STK31: variants seen among roughly 807,000 people sequenced by gnomAD.
STK31 encodes serine/threonine kinase 31, also known as serine/threonine-protein kinase 31.
Under a neutral mutation model 129.7 loss-of-function variants are expected in STK31, and 89 were observed. The observed-to-expected ratio is 0.69, with a 90% CI of 0.58 to 0.82. STK31 has a LOEUF of 0.82. Ranked by LOEUF, STK31 falls within the 40% of genes least tolerant of loss-of-function variation. The pLI is 0.00. For synonymous variants in STK31, 448 were observed against 395.3 expected, an observed-to-expected ratio of 1.13 and a Z score of -1.58; for missense variants, 1,187 against 1,176.4, an observed-to-expected ratio of 1.01 and a Z score of -0.13.
At chr7:23,802,476 C>T (rs913253575) in intron 22 of STK31, among the ~76,000 whole-genome samples, 2 of 152,032 alleles carry the variant, frequency 1.3e-5, no homozygotes, top group Non-Finnish European at 2.9e-5. Flanking sequence ...GAAGGGTGGA[C>T]AGCACGGAGA....
intron 22 of STK31, among the ~76,000 whole-genome samples, chr7:23,806,613 A>G (rs1008208261): frequency 6.6e-6 from 1 of 152,218 alleles, no homozygotes; most frequent in Non-Finnish European, 1.5e-5. Context: ...TAAGAGATAC[A>G]GGTTGGGCCG....
chr7:23,730,874 ATATATTTTT>A (rs1479850448), intron 6 of STK31, among the ~76,000 whole-genome samples: 4 of 59,732 alleles, frequency 6.7e-5, no homozygotes, highest in African/African-American at 2.1e-4. Flanking sequence ...ATATATATAT[ATATATTTTT>A]TTTTTTTTTT....
chr7:23,742,878 G>A (rs1788131801), intron 8 of STK31, among the ~76,000 whole-genome samples: 1 of 151,266 alleles, frequency 6.6e-6, no homozygotes, highest in South Asian at 2.1e-4. Context: ...GTGGTTTGGT[G>A]TGTTTCTGTA....
At chr7:23,755,164 G>A (rs1377612579) in intron 10 of STK31, 1 of 152,072 alleles carries the variant, frequency 6.6e-6, no homozygotes. Flanking sequence ...AGCATCTATT[G>A]TTTCCTGACT....
chr7:23,748,777 C>T (rs1021058824), intron 8 of STK31, among the ~76,000 whole-genome samples: 1 of 152,130 alleles, frequency 6.6e-6, no homozygotes, highest in African/African-American at 2.4e-5. Context: ...ATACAGAATA[C>T]TTGCTAACTG....
chr7:23,795,766 T>C (rs1791913592), intron 22 of STK31, among the ~76,000 whole-genome samples: 2 of 152,214 alleles, frequency 1.3e-5, no homozygotes, highest in Admixed American at 1.3e-4. Context: ...GGAGATCATT[T>C]TGGAGCTTTA....
intron 17 of STK31, 99 bp downstream of exon 17, chr7:23,783,762 A>T: frequency 5.5e-6 from 5 of 906,066 alleles, no homozygotes; most frequent in Non-Finnish European, 8.3e-6. Context: ...TATCTTTTAA[A>T]TAAAAATACT....
rs34751124 is a variant in STK31 at position 23,806,901 on chromosome 7, GAA to G, written c.2761-8223_2761-8222del. Among the ~76,000 whole-genome samples, 578 of 75,998 alleles carry G rather than the reference GAA, an allele frequency of 7.6e-3. 5 individuals are homozygous for G. Among genetic ancestry groups the G allele is most frequent in the Middle Eastern group, 0.032 (4 of 124 alleles). 49.9% of individuals were successfully genotyped at this position (75,998 alleles called of 152,430 possible). ...GGTGACAGAGCAAGACTCCGTCTCA[GAA>G]AAAAAAAAAAAAAAAAAAAGAGAGA... On this transcript the variant is annotated intron_variant, in intron 22 of 23. Coordinates refer to ENST00000355870, the MANE Select transcript of STK31 (RefSeq NM_031414.5).
chr7:23,790,011 G>A (rs1158807450), intron 21 of STK31, among the ~76,000 whole-genome samples: 1 of 152,024 alleles, frequency 6.6e-6, no homozygotes, highest in African/African-American at 2.4e-5. Context: ...AACTCACCTG[G>A]GGTTCATGTT....
intron 17 of STK31, 79 bp from the exon 18 acceptor site, chr7:23,785,399 C>A: frequency 6.4e-7 from 1 of 1,556,234 alleles, no homozygotes; most frequent in East Asian, 2.3e-5. Context: ...CATTTAATAT[C>A]GTGTAACTAA....
chr7:23,816,358 G>A (rs1007616972), intron 23 of STK31, among the ~76,000 whole-genome samples: 3 of 152,304 alleles, frequency 2.0e-5, no homozygotes, highest in East Asian at 1.9e-4. Context: ...TTTCAGGTTT[G>A]ATAGAAAAAT....
chr7:23,732,727 G>C (rs1029464931), intron 6 of STK31, among the ~76,000 whole-genome samples: 14 of 152,222 alleles, frequency 9.2e-5, no homozygotes, highest in African/African-American at 3.4e-4. Flanking sequence ...GTAGACAATA[G>C]GTTATTTCCA....
chr7:23,760,378 C>G (rs539183412), intron 10 of STK31, among the ~76,000 whole-genome samples: 1 of 152,238 alleles, frequency 6.6e-6, no homozygotes, highest in African/African-American at 2.4e-5. Flanking sequence ...GATAACTAGG[C>G]TTTTGAAAAT....
chr7:23,732,635 TA>T (rs893156478), intron 6 of STK31, among the ~76,000 whole-genome samples: 2 of 152,198 alleles, frequency 1.3e-5, no homozygotes, highest in Non-Finnish European at 2.9e-5. Context: ...GAGAGAAATC[TA>T]AAATTAGATT....
chr7:23,773,373 C>T (rs944777521), intron 15 of STK31, among the ~76,000 whole-genome samples: 1 of 152,198 alleles, frequency 6.6e-6, no homozygotes, highest in East Asian at 1.9e-4. Context: ...AACACGAACT[C>T]GTCCTTTTTT....
chr7:23,806,921 AAG>A (rs1241369965), intron 22 of STK31, among the ~76,000 whole-genome samples: 2 of 150,970 alleles, frequency 1.3e-5, no homozygotes, highest in Non-Finnish European at 3.0e-5. Flanking sequence ...AAAAAAAAAA[AAG>A]AGAGATACAG....
At chr7:23,821,535 A>G (rs919599289) in intron 23 of STK31, among the ~76,000 whole-genome samples, 2 of 152,030 alleles carry the variant, frequency 1.3e-5, no homozygotes, top group Non-Finnish European at 2.9e-5. Flanking sequence ...AGTTTCTTGT[A>G]TATTCTGGAT....
chr7:23,766,101 A>T (rs1789807894), intron 11 of STK31, among the ~76,000 whole-genome samples: 1 of 152,170 alleles, frequency 6.6e-6, no homozygotes, highest in African/African-American at 2.4e-5. Context: ...TTTCAAAGAA[A>T]TCTTTGTGTA....
intron 22 of STK31, among the ~76,000 whole-genome samples, chr7:23,813,371 G>C (rs1305811439): frequency 6.6e-6 from 1 of 152,026 alleles, no homozygotes; most frequent in Non-Finnish European, 1.5e-5. Context: ...ATAATTATGT[G>C]ATTCATTGTG....
Sources: gnomAD v4.1 joint callset for allele counts (sites outside exome capture counted in the v4.1 genomes callset) on GRCh38, gnomAD v4.1.1 for gene constraint, MANE v1.5 for transcripts, NCBI Gene and HGNC (gene_info 2026-07-23, HGNC 2026-07-21) for gene names.